The following PPP6R2 variants were observed in gnomAD, a reference collection of about 807,000 sequenced individuals.
PPP6R2 encodes protein phosphatase 6 regulatory subunit 2, also known as serine/threonine-protein phosphatase 6 regulatory subunit 2.
Under a neutral mutation model 100.2 loss-of-function variants are expected in PPP6R2, and 62 were observed. That is an observed-to-expected ratio of 0.62 (90% CI 0.50 to 0.76). The LOEUF is 0.76. Ranked by LOEUF, PPP6R2 falls within the 30% of genes least tolerant of loss-of-function variation. The probability of loss-of-function intolerance (pLI) is 0.00; values close to 1 mark genes in which losing one functional copy is unlikely to be tolerated. For synonymous variants in PPP6R2, 525 were observed against 514.7 expected (o/e 1.02, Z -0.27); for missense variants, 1,142 against 1,276.3 (o/e 0.89, Z 1.60).
rs907328182 is a variant in PPP6R2 at position 50,368,740 on chromosome 22, A to G, written c.-147-3280A>G. On this transcript the variant is annotated intron_variant, in intron 1 of 23. Transcript: ENST00000612753. ...AGTGGTGTGATCATAGCTCACCACA[A>G]CCATGCACACTTAGGCCGAAGGGAT... Among the ~76,000 whole-genome samples, 42 of 152,190 alleles carry G rather than the reference A, an allele frequency of 2.8e-4. No homozygotes were observed. The Middle Eastern group carries it at 0.027, about 99-fold the overall frequency.
In PPP6R2 at chr22:50,370,097, A is replaced by G. The variant is rs920568855; in HGVS notation, c.-147-1923A>G. Among the ~76,000 whole-genome samples, 9 of 152,094 alleles carry G rather than the reference A, an allele frequency of 5.9e-5. 3 individuals carry two copies. Among genetic ancestry groups the G allele is most frequent in the Admixed American group, 5.9e-4 (9 of 15,258 alleles). On this transcript the variant is annotated intron_variant, in intron 1 of 23. Transcript: ENST00000612753. ...AAAAATATGCAAAAGTAGAGAAAACATAATTAACATCTATGTACCCATCAC... is the reference window on the plus strand; with the variant it reads ...AAAAATATGCAAAAGTAGAGAAAACGTAATTAACATCTATGTACCCATCAC...
chr22:50,359,062 C>T (rs1483051041), intron 1 of PPP6R2, among the ~76,000 whole-genome samples: 5 of 131,610 alleles, frequency 3.8e-5, no homozygotes, highest in Admixed American at 9.0e-5. Flanking sequence ...TTCAGTGGCG[C>T]GATCTCCACT....
intron 3 of PPP6R2, among the ~76,000 whole-genome samples, chr22:50,397,287 T>TG (rs1404784098): frequency 4.6e-5 from 7 of 152,068 alleles, no homozygotes; most frequent in African/African-American, 1.7e-4. Flanking sequence ...TAAGCAGAGA[T>TG]GCCCTGAGTA....
rs2042643654 is a variant in PPP6R2 at position 50,343,390 on chromosome 22, G to C, written c.-308G>C. The C allele has an allele frequency of 6.6e-6, 1 of 151,022 alleles. No individual in the cohort carries two copies. Among genetic ancestry groups the C allele is most frequent in the Non-Finnish European group, 1.5e-5 (1 of 67,592 alleles). 9.4% of individuals were successfully genotyped at this position (151,022 alleles called of 1,614,324 possible). A position where few individuals can be genotyped will look rare whatever the true frequency, so the allele number is the denominator to read the frequency against. On this transcript the variant is annotated 5_prime_UTR_variant, in exon 1 of 24. Coordinates refer to ENST00000612753, the MANE Select transcript of PPP6R2 (RefSeq NM_001242898.2). ...CCGAGTCGGTCTCGAGCCGCCGGCC[G>C]GCCGTGCCGGTGTCCGTAGGCGCTG...
chr22:50,437,689 C>T lies in PPP6R2; in HGVS notation c.1781+86C>T, dbSNP rs548750164. The T allele has an allele frequency of 4.4e-4, 626 of 1,420,272 alleles. 3 individuals are homozygous for T. The African/African-American group carries it at 7.6e-3, about 17-fold the overall frequency. 88.0% of individuals were successfully genotyped at this position (1,420,272 alleles called of 1,614,324 possible). On this transcript the variant is annotated intron_variant, in intron 16 of 23. Transcript: ENST00000612753. ...TGGAGGCAGCTCCCTGAGGTCTTGC[C>T]GGGAGTGCCGTCTGATGTCCCCGGG...
intron 19 of PPP6R2, 22 bp from the exon 20 acceptor site, chr22:50,439,679 C>G: frequency 6.4e-7 from 1 of 1,551,962 alleles, no homozygotes; most frequent in Non-Finnish European, 8.7e-7. Flanking sequence ...CACGCCTGAC[C>G]ACTGTGTCTC....
chr22:50,386,453 A>G (rs769986418), intron 2 of PPP6R2, among the ~76,000 whole-genome samples: 2 of 152,128 alleles, frequency 1.3e-5, no homozygotes, highest in Non-Finnish European at 2.9e-5. Context: ...AAGTTTTAAC[A>G]TGAGTTTTGG....
At position 50,436,401 on chromosome 22, in the gene PPP6R2, C is replaced by T; in HGVS notation, c.1551C>T (p.Ser517=). ...CGGACTGCCGTGGCCGCTGGGAGAGCTTCGTGGAGGAGACGCTGACGGAGA... is the reference window on the plus strand; with the variant it reads ...CGGACTGCCGTGGCCGCTGGGAGAGTTTCGTGGAGGAGACGCTGACGGAGA... ...LPADCRGRWE[S]FVEETLTETN... The change falls in exon 14 of 24, where the codon AGC becomes AGT. Residue 517 remains serine (S), a synonymous_variant. Coordinates refer to ENST00000612753, the MANE Select transcript of PPP6R2 (RefSeq NM_001242898.2). The T allele has an allele frequency of 6.3e-7, 1 of 1,590,466 alleles. No homozygotes were observed. The highest frequency in any genetic ancestry group is 8.5e-7 in the Non-Finnish European group (1 of 1,169,914).
At position 50,409,722 on chromosome 22, in the gene PPP6R2, G is replaced by A. The variant is rs547572669; in HGVS notation, c.414+2847G>A. Among the ~76,000 whole-genome samples, 15 of 152,130 alleles carry A rather than the reference G, an allele frequency of 9.9e-5. No individual in the cohort carries two copies. The South Asian group carries it at 2.9e-3, about 29-fold the overall frequency. ...ATTACAGGCGTAAGCCACCGCGCCC[G>A]GCCGACGATGATGATGATTTTTGAG... On this transcript the variant is annotated intron_variant, in intron 4 of 23. Transcript: ENST00000612753.
At chr22:50,331,842 G>A in the PPP6R2 span, among the ~76,000 whole-genome samples, 5 of 152,288 alleles carry the variant, frequency 3.3e-5, no homozygotes, top group South Asian at 1.0e-3. Flanking sequence ...GGCTGGTCTT[G>A]AACTCCTGAC....
At chr22:50,414,276 C>T (rs1003652780) in intron 4 of PPP6R2, among the ~76,000 whole-genome samples, 2 of 149,094 alleles carry the variant, frequency 1.3e-5, no homozygotes, top group African/African-American at 4.9e-5. Context: ...TGTGCTGCCC[C>T]ACCTGGGACA....
At chr22:50,441,387 G>C (rs547995592) in intron 22 of PPP6R2, among the ~76,000 whole-genome samples, 1 of 152,200 alleles carries the variant, frequency 6.6e-6, no homozygotes, top group Non-Finnish European at 1.5e-5. Context: ...CCCAGCTCTT[G>C]GGGCTCTGGG....
intron 8 of PPP6R2, among the ~76,000 whole-genome samples, chr22:50,421,524 T>C (rs905993217): frequency 6.6e-6 from 1 of 152,216 alleles, no homozygotes; most frequent in African/African-American, 2.4e-5. Context: ...TTTTTAAAAT[T>C]ATTTTGCATA....
chr22:50,387,015 T>C (rs1008765880), intron 2 of PPP6R2, among the ~76,000 whole-genome samples: 2 of 152,184 alleles, frequency 1.3e-5, no homozygotes, highest in Admixed American at 6.5e-5. Context: ...CTACTGTTTT[T>C]GGGAAGAAGC....
chr22:50,442,853 A>C (rs991649755), intron 22 of PPP6R2, among the ~76,000 whole-genome samples: 5 of 149,020 alleles, frequency 3.4e-5, no homozygotes, highest in African/African-American at 1.2e-4. Context: ...CGCCTGGCCT[A>C]GTCACTGAAA....
At chr22:50,339,806 G>GT (rs2042350348), upstream of PPP6R2, among the ~76,000 whole-genome samples, 1 of 121,310 alleles carries the variant, frequency 8.2e-6, no homozygotes, top group African/African-American at 3.6e-5. Context: ...TGGGGTATGT[G>GT]TGTGTGGTGT....
Position 50,419,473 on chromosome 22 carries a change from C to G in PPP6R2, c.845+11C>G, listed in dbSNP as rs374045344. The G allele has an allele frequency of 2.5e-6, 4 of 1,597,842 alleles. No individual in the cohort carries two copies. Among genetic ancestry groups the G allele is most frequent in the Non-Finnish European group, 2.6e-6 (3 of 1,165,698 alleles). ...AACCAGGCGGGTTGGGTGAGTCTCA[C>G]GAGGAGAAATCGTGTAGAGCTGAAC... On this transcript the variant is annotated intron_variant, in intron 8 of 23. Coordinates refer to ENST00000612753, the MANE Select transcript of PPP6R2 (RefSeq NM_001242898.2).
chr22:50,352,943 A>G (rs192787979), intron 1 of PPP6R2, among the ~76,000 whole-genome samples: 68 of 152,260 alleles, frequency 4.5e-4, no homozygotes, highest in African/African-American at 1.5e-3. Flanking sequence ...GCATGCCTAT[A>G]GTCCCAGCTA....
At chr22:50,357,311 A>G (rs1602222027) in intron 1 of PPP6R2, among the ~76,000 whole-genome samples, 1 of 152,212 alleles carries the variant, frequency 6.6e-6, no homozygotes. Flanking sequence ...ATATACATAC[A>G]TAGTGAGGGG....
Sources: allele counts gnomAD v4.1 joint callset (sites outside exome capture counted in the v4.1 genomes callset), GRCh38; gene constraint gnomAD v4.1.1; transcripts MANE v1.5; gene names NCBI Gene and HGNC (gene_info 2026-07-23, HGNC 2026-07-21).